Variants in FTO observed in about 807,000 individuals in gnomAD.
FTO encodes alpha-ketoglutarate-dependent dioxygenase FTO.
Under a neutral mutation model 63.9 loss-of-function variants are expected in FTO, and 47 were observed. The ratio of observed to expected loss-of-function variants is 0.74; its 90% CI spans 0.58 to 0.94. The LOEUF (loss-of-function observed/expected upper bound fraction) is 0.94. Ranked by LOEUF, FTO falls within the 40% of genes least tolerant of loss-of-function variation. The pLI, the probability that FTO is intolerant of heterozygous loss-of-function variation, is 0.00. For missense variants in FTO, 562 were observed against 618.1 expected (o/e 0.91, Z 0.96); for synonymous variants, 207 against 224.4 (o/e 0.92, Z 0.69).
intron 8 of FTO, chr16:53,999,839 A>G (rs1485953074): frequency 9.2e-5 from 14 of 152,250 alleles, no homozygotes; most frequent in African/African-American, 3.4e-4. Flanking sequence ...GGGAAATGTT[A>G]AAAACCAGTA....
At chr16:53,805,124 G>A (rs62033417) in intron 1 of FTO, among the ~76,000 whole-genome samples, 2,937 of 152,264 alleles carry the variant, frequency 0.019, 45 homozygotes, top group Middle Eastern at 0.082. Context: ...ACAATAGGAT[G>A]CATAGTTGAA....
chr16:53,835,955 A>G (rs577339646), intron 3 of FTO, among the ~76,000 whole-genome samples: 12 of 150,684 alleles, frequency 8.0e-5, no homozygotes, highest in African/African-American at 2.7e-4. Flanking sequence ...CAATGGCACA[A>G]TCTCAGTTCA....
chr16:53,794,053 G>T (rs1332612989), intron 1 of FTO, among the ~76,000 whole-genome samples: 1 of 152,162 alleles, frequency 6.6e-6, no homozygotes, highest in East Asian at 1.9e-4. Context: ...ACTTGCCAAA[G>T]ATTTAAAAGT....
At chr16:53,951,136 G>A (rs963723624) in intron 8 of FTO, among the ~76,000 whole-genome samples, 11 of 152,100 alleles carry the variant, frequency 7.2e-5, no homozygotes, top group African/African-American at 2.2e-4. Flanking sequence ...GTTAGCACAG[G>A]GTCAAAATAC....
chr16:54,071,746 G>A (rs763891802), intron 8 of FTO: 50 of 152,096 alleles, frequency 3.3e-4, no homozygotes, highest in African/African-American at 1.2e-3. Context: ...CTTTAAACCA[G>A]TACCTAGTGC....
At chr16:53,983,664 G>T (rs12926780) in intron 8 of FTO, among the ~76,000 whole-genome samples, 276 of 152,156 alleles carry the variant, frequency 1.8e-3, no homozygotes, top group Middle Eastern at 0.014. Context: ...AAGCCGGCAG[G>T]TAATGTCAAC....
intron 1 of FTO, among the ~76,000 whole-genome samples, chr16:53,759,737 G>GTCATT (rs934244280): frequency 2.0e-5 from 3 of 150,876 alleles, no homozygotes; most frequent in African/African-American, 7.3e-5. Flanking sequence ...ATAATACAGG[G>GTCATT]TCATTTCCTT....
At chr16:53,881,150 TAA>T (rs2080820555) in intron 6 of FTO, among the ~76,000 whole-genome samples, 1 of 150,088 alleles carries the variant, frequency 6.7e-6, no homozygotes, top group African/African-American at 2.4e-5. Flanking sequence ...AATAAATAAA[TAA>T]AAATAAAATA....
At position 54,024,357 on chromosome 16, in the gene FTO, G is replaced by T. The variant is rs1343725813; in HGVS notation, c.1365-87405G>T. On this transcript the variant is annotated intron_variant, in intron 8 of 8. Transcript: ENST00000471389. ...TCCTGCCTCAACCTCCCAAGTAGCT[G>T]GGATTACAGGTGCACACCACCACGC... 2.6e-5 allele frequency among the ~76,000 whole-genome samples: 4 copies of T among 151,950 alleles called. No homozygotes were observed. In the East Asian group the frequency reaches 7.7e-4, roughly 29 times the overall value.
intron 7 of FTO, among the ~76,000 whole-genome samples, chr16:53,906,271 G>A (rs900296242): frequency 6.6e-6 from 1 of 152,222 alleles, no homozygotes; most frequent in Non-Finnish European, 1.5e-5. Context: ...GTTTCACCAA[G>A]TTGCAGTATG....
intron 2 of FTO, among the ~76,000 whole-genome samples, chr16:53,820,158 G>A (rs923142220): frequency 2.0e-5 from 3 of 151,878 alleles, no homozygotes; most frequent in South Asian, 4.2e-4. Context: ...ACAGATGCCC[G>A]CCACCACGCC....
chr16:53,735,370 G>A (rs2076368037), intron 1 of FTO, among the ~76,000 whole-genome samples: 1 of 152,212 alleles, frequency 6.6e-6, no homozygotes, highest in Non-Finnish European at 1.5e-5. Context: ...GTAGGACTGA[G>A]AGATTAGGAA....
At chr16:53,724,207 C>T (rs769272017) in intron 1 of FTO, among the ~76,000 whole-genome samples, 49 of 152,212 alleles carry the variant, frequency 3.2e-4, no homozygotes, top group Non-Finnish European at 6.5e-4. Flanking sequence ...GGGGAGTTCA[C>T]ATACTAATTC....
chr16:53,987,295 A>G (rs930775184), intron 8 of FTO, among the ~76,000 whole-genome samples: 1 of 152,098 alleles, frequency 6.6e-6, no homozygotes, highest in African/African-American at 2.4e-5. Flanking sequence ...TAAAATGACA[A>G]TACAGCCAGG....
chr16:53,830,028 G>A (rs940779474), intron 3 of FTO, among the ~76,000 whole-genome samples: 2 of 152,188 alleles, frequency 1.3e-5, no homozygotes, highest in Non-Finnish European at 2.9e-5. Flanking sequence ...TTCAGTTGAA[G>A]CTTAAGATCT....
At chr16:53,995,632 G>C (rs958530620) in intron 8 of FTO, among the ~76,000 whole-genome samples, 1 of 152,202 alleles carries the variant, frequency 6.6e-6, no homozygotes, top group Non-Finnish European at 1.5e-5. Flanking sequence ...TGATGCCATG[G>C]AGCAAATTAA....
At chr16:53,892,880 C>T (rs1439701420) in intron 7 of FTO, among the ~76,000 whole-genome samples, 5 of 152,148 alleles carry the variant, frequency 3.3e-5, no homozygotes, top group Non-Finnish European at 5.9e-5. Flanking sequence ...GCTTTGAAAT[C>T]GCTTTTCTTC....
At chr16:53,753,880 C>T (rs997425660) in intron 1 of FTO, among the ~76,000 whole-genome samples, 2 of 152,208 alleles carry the variant, frequency 1.3e-5, no homozygotes, top group African/African-American at 4.8e-5. Flanking sequence ...GAACTGGCTG[C>T]TCAGGGGTGC....
intron 8 of FTO, among the ~76,000 whole-genome samples, chr16:53,958,762 G>A (rs534923966): frequency 6.6e-6 from 1 of 152,312 alleles, no homozygotes; most frequent in South Asian, 2.1e-4. Context: ...AGCCAACAGA[G>A]CACAACCCCA....
Sources: allele counts gnomAD v4.1 joint callset (sites outside exome capture counted in the v4.1 genomes callset), GRCh38; gene constraint gnomAD v4.1.1; transcripts MANE v1.5; gene names NCBI Gene and HGNC (gene_info 2026-07-23, HGNC 2026-07-21).